SIL1: variants seen among roughly 807,000 people sequenced by gnomAD.
The protein encoded by SIL1 is nucleotide exchange factor SIL1.
Under a neutral mutation model 49.1 loss-of-function variants are expected in SIL1, and 40 were observed. The ratio of observed to expected loss-of-function variants is 0.81; its 90% CI spans 0.63 to 1.06. SIL1 has a LOEUF of 1.06. SIL1 is among the 50% of genes least tolerant of loss of function. The pLI is 0.00. For missense variants in SIL1, 500 were observed against 572.6 expected (o/e 0.87, Z 1.29); for synonymous variants, 253 against 250.8 (o/e 1.01, Z -0.08).
intron 1 of SIL1, among the ~76,000 whole-genome samples, chr5:139,196,283 A>C (rs1752272034): frequency 6.6e-6 from 1 of 152,180 alleles, no homozygotes; most frequent in African/African-American, 2.4e-5. Flanking sequence ...ACAATTCCAG[A>C]GGTGGATTTT....
At chr5:139,070,977 T>TC (rs1197305688) in intron 3 of SIL1, among the ~76,000 whole-genome samples, 3 of 151,992 alleles carry the variant, frequency 2.0e-5, no homozygotes. Context: ...AAAAAGAGAA[T>TC]CAATCAGACA....
At chr5:139,032,247 T>C (rs1200574469) in intron 5 of SIL1, among the ~76,000 whole-genome samples, 1 of 152,208 alleles carries the variant, frequency 6.6e-6, no homozygotes, top group African/African-American at 2.4e-5. Flanking sequence ...AAGGTTTCTA[T>C]TCCTAGATTT....
chr5:139,015,763 G>A (rs1768384286), intron 7 of SIL1, among the ~76,000 whole-genome samples: 1 of 152,190 alleles, frequency 6.6e-6, no homozygotes, highest in Admixed American at 6.5e-5. Flanking sequence ...TGTCTCATTG[G>A]TCAGAACTGG....
At chr5:139,190,630 G>A (rs1444154429) in intron 1 of SIL1, among the ~76,000 whole-genome samples, 1 of 152,054 alleles carries the variant, frequency 6.6e-6, no homozygotes, top group Non-Finnish European at 1.5e-5. Context: ...CTACCATTAC[G>A]TGGCCCACTT....
chr5:139,062,709 T>C (rs1769619609), intron 3 of SIL1, among the ~76,000 whole-genome samples: 1 of 152,242 alleles, frequency 6.6e-6, no homozygotes, highest in Non-Finnish European at 1.5e-5. Context: ...TCCTGTGTTC[T>C]AGTGAGAGAG....
At chr5:138,984,667 A>T (rs1395206640) in intron 7 of SIL1, among the ~76,000 whole-genome samples, 1 of 152,018 alleles carries the variant, frequency 6.6e-6, no homozygotes, top group Non-Finnish European at 1.5e-5. Flanking sequence ...CCTCTTATGC[A>T]TTCTTGAGGC....
chr5:139,142,230 C>T (rs1751094678), intron 1 of SIL1, among the ~76,000 whole-genome samples: 1 of 152,180 alleles, frequency 6.6e-6, no homozygotes, highest in Admixed American at 6.5e-5. Context: ...TAGCAGTACA[C>T]TAATCCTTCT....
rs58624842 is a variant in SIL1 at position 139,026,998 on chromosome 5, G to C, written c.454-6C>G. 6.2e-7 allele frequency: 1 copy of C among 1,614,096 alleles called. No homozygotes were observed. Among genetic ancestry groups the C allele is most frequent in the Non-Finnish European group, 8.5e-7 (1 of 1,180,024 alleles). ...TTTACCTCAGCCTGCCTTGCCTAAG[G>C]AGAGCAGCAAAGAGGTGATTAAATT... On this transcript the variant is annotated splice_polypyrimidine_tract_variant and splice_region_variant and intron_variant, in intron 5 of 9. Coordinates refer to ENST00000394817, the MANE Select transcript of SIL1 (RefSeq NM_022464.5).
At position 138,947,057 on chromosome 5, in the gene SIL1, C is replaced by A. The variant is rs995722735; in HGVS notation, c.*60G>T. The A allele has an allele frequency of 3.0e-5, 41 of 1,370,664 alleles. 1 individual carries two copies. In the South Asian group the frequency reaches 4.9e-4, roughly 16 times the overall value. 84.9% of individuals were successfully genotyped at this position (1,370,664 alleles called of 1,614,324 possible). ...GATGTCCTCCTGCCTGAGAAGCCCA[C>A]CCACGCTGGCACCCCTCAGCCTCAC... On this transcript the variant is annotated 3_prime_UTR_variant, in exon 10 of 10. Transcript: ENST00000394817. The surrounding 1 kb of genome is among the most constrained non-coding windows in gnomAD (Gnocchi z 4.1).
At chr5:139,163,616 C>T (rs772417799) in intron 1 of SIL1, among the ~76,000 whole-genome samples, 3 of 152,124 alleles carry the variant, frequency 2.0e-5, no homozygotes, top group South Asian at 2.1e-4. Context: ...GTGATCCGCC[C>T]GTCTCGGCCT....
In SIL1 at chr5:138,975,185, G is replaced by C. The variant is rs189153542; in HGVS notation, c.768-23301C>G. Among the ~76,000 whole-genome samples, 6 of 152,282 alleles carry C rather than the reference G, an allele frequency of 3.9e-5. No individual in the cohort carries two copies. In the East Asian group the frequency reaches 1.2e-3, roughly 29 times the overall value. On this transcript the variant is annotated intron_variant, in intron 7 of 9. Coordinates refer to ENST00000394817, the MANE Select transcript of SIL1 (RefSeq NM_022464.5). ...AAATGGCTCCCTCCTCTGAAGGTTG[G>C]CAAGAAGCCTATAGGAAGGGGCTGG...
At chr5:138,952,957 C>T (rs890134720) in intron 7 of SIL1, among the ~76,000 whole-genome samples, 1 of 152,224 alleles carries the variant, frequency 6.6e-6, no homozygotes, top group Non-Finnish European at 1.5e-5. Context: ...TTGGGCAGGT[C>T]AGGGCTCCCC....
chr5:139,015,891 T>C (rs75452327), intron 7 of SIL1, among the ~76,000 whole-genome samples: 9,574 of 152,246 alleles, frequency 0.063, 424 homozygotes, highest in South Asian at 0.17. Context: ...TGCCTAAACA[T>C]GTTGCTGCCC....
intron 7 of SIL1, among the ~76,000 whole-genome samples, chr5:138,963,241 C>G (rs1188658963): frequency 1.3e-5 from 2 of 152,150 alleles, no homozygotes; most frequent in Admixed American, 6.5e-5. Flanking sequence ...GGCAACACAC[C>G]TTGTCAACCC....
intron 1 of SIL1, among the ~76,000 whole-genome samples, chr5:139,167,261 A>G (rs1166350888): frequency 6.6e-6 from 1 of 152,190 alleles, no homozygotes; most frequent in East Asian, 1.9e-4. Context: ...TACCCAGCCA[A>G]GGAGTGGCTT....
chr5:138,980,803 C>G (rs1191509890), intron 7 of SIL1, among the ~76,000 whole-genome samples: 6 of 152,120 alleles, frequency 3.9e-5, no homozygotes, highest in African/African-American at 1.4e-4. Flanking sequence ...TGTGCTTGAC[C>G]CCCTCCCCAG....
At chr5:139,088,943 C>T (rs531657783) in intron 3 of SIL1, among the ~76,000 whole-genome samples, 3 of 152,234 alleles carry the variant, frequency 2.0e-5, no homozygotes, top group Admixed American at 6.5e-5. Flanking sequence ...TTGTAGGGGT[C>T]GATCTCTAAT....
At chr5:139,134,809 T>G (rs1229787843) in intron 1 of SIL1, among the ~76,000 whole-genome samples, 1 of 152,152 alleles carries the variant, frequency 6.6e-6, no homozygotes, top group Non-Finnish European at 1.5e-5. Context: ...CTTTACAAAC[T>G]GAAGGTTAGA....
chr5:139,029,998 A>G (rs1354594636), intron 5 of SIL1, among the ~76,000 whole-genome samples: 1 of 151,696 alleles, frequency 6.6e-6, no homozygotes, highest in Non-Finnish European at 1.5e-5. Context: ...CAGAGCAAGC[A>G]TCTTTTCTCT....
Sources: gnomAD v4.1 joint callset for allele counts (sites outside exome capture counted in the v4.1 genomes callset) on GRCh38, gnomAD v4.1.1 for gene constraint, Gnocchi (gnomAD v3.1) non-coding constraint, MANE v1.5 for transcripts, NCBI Gene and HGNC (gene_info 2026-07-23, HGNC 2026-07-21) for gene names.